The following MOB3B variants were observed in gnomAD, a reference collection of about 807,000 sequenced individuals.
MOB3B encodes the protein MOB kinase activator 3B, also known as MOB kinase activator-like 2B.
Under a neutral mutation model 18.7 loss-of-function variants are expected in MOB3B, and 7 were observed. The ratio of observed to expected loss-of-function variants is 0.37; its 90% CI spans 0.21 to 0.70. The LOEUF (loss-of-function observed/expected upper bound fraction) is 0.70, where lower values mean the gene tolerates loss of function less well. MOB3B is among the 30% of genes least tolerant of loss of function. MOB3B has a pLI of 0.52. For synonymous variants in MOB3B, 111 were observed against 99.9 expected, an observed-to-expected ratio of 1.11 and a Z score of -0.66; for missense variants, 253 against 281.3, an observed-to-expected ratio of 0.90 and a Z score of 0.72.
chr9:27,453,876 T>C (rs1174213739), intron 2 of MOB3B, among the ~76,000 whole-genome samples: 3 of 152,164 alleles, frequency 2.0e-5, no homozygotes, highest in Admixed American at 2.0e-4. Context: ...CCTAAGAAAT[T>C]TCCACCACTC....
At chr9:27,502,069 A>T (rs1272416364) in intron 1 of MOB3B, among the ~76,000 whole-genome samples, 1 of 152,138 alleles carries the variant, frequency 6.6e-6, no homozygotes, top group African/African-American at 2.4e-5. Context: ...TATTTCTTCC[A>T]TATATACACG....
chr9:27,454,447 A>G (rs1338168006), intron 2 of MOB3B, among the ~76,000 whole-genome samples: 1 of 152,224 alleles, frequency 6.6e-6, no homozygotes, highest in Non-Finnish European at 1.5e-5. Context: ...TTCAGTCTGA[A>G]AGTGCATGGA....
intron 2 of MOB3B, among the ~76,000 whole-genome samples, chr9:27,387,725 G>A (rs2131379155): frequency 6.6e-6 from 1 of 152,264 alleles, no homozygotes; most frequent in Admixed American, 6.5e-5. Flanking sequence ...AATGGTTAGA[G>A]TTATAGCATC....
At chr9:27,459,463 C>T (rs1819245411) in intron 1 of MOB3B, among the ~76,000 whole-genome samples, 1 of 152,154 alleles carries the variant, frequency 6.6e-6, no homozygotes, top group Admixed American at 6.5e-5. Context: ...TCTAAGTGTG[C>T]ATTTTAACAA....
At chr9:27,459,011 G>GT (rs1786188266) in intron 1 of MOB3B, among the ~76,000 whole-genome samples, 2 of 150,308 alleles carry the variant, frequency 1.3e-5, no homozygotes, top group African/African-American at 4.9e-5. Flanking sequence ...GATCAGGTAG[G>GT]CCCCCCCCCA....
At chr9:27,388,881 C>T (rs1449778608) in intron 2 of MOB3B, among the ~76,000 whole-genome samples, 1 of 152,102 alleles carries the variant, frequency 6.6e-6, no homozygotes, top group African/African-American at 2.4e-5. Flanking sequence ...CTATCGATGC[C>T]ACTCCTAAAT....
intron 1 of MOB3B, among the ~76,000 whole-genome samples, chr9:27,488,743 A>G (rs1214962303): frequency 6.6e-6 from 1 of 152,186 alleles, no homozygotes; most frequent in Admixed American, 6.5e-5. Context: ...TGGCATACCC[A>G]TCGAGTAGCA....
At chr9:27,404,687 C>G (rs1821940281) in intron 2 of MOB3B, among the ~76,000 whole-genome samples, 1 of 152,112 alleles carries the variant, frequency 6.6e-6, no homozygotes, top group African/African-American at 2.4e-5. Context: ...TATAACTCAT[C>G]TTAGGTTGAC....
At chr9:27,436,140 C>T (rs1374189296) in intron 2 of MOB3B, among the ~76,000 whole-genome samples, 1 of 152,176 alleles carries the variant, frequency 6.6e-6, no homozygotes, top group Admixed American at 6.5e-5. Context: ...CTGGTCTCAC[C>T]TAAAGTATCA....
chr9:27,370,192 T>C (rs996323675), intron 2 of MOB3B, among the ~76,000 whole-genome samples: 1 of 152,062 alleles, frequency 6.6e-6, no homozygotes, highest in African/African-American at 2.4e-5. Flanking sequence ...AGACACCCCA[T>C]GAATGGGATT....
At chr9:27,503,368 T>C (rs779780270) in intron 1 of MOB3B, among the ~76,000 whole-genome samples, 8 of 152,228 alleles carry the variant, frequency 5.3e-5, no homozygotes, top group Non-Finnish European at 1.0e-4. Flanking sequence ...AAGGGCAAGA[T>C]AAGATAAAGT....
chr9:27,522,261 A>G (rs1162265085), intron 1 of MOB3B, among the ~76,000 whole-genome samples: 2 of 144,560 alleles, frequency 1.4e-5, no homozygotes, highest in Non-Finnish European at 3.0e-5. Flanking sequence ...AAAAAAAAAA[A>G]AAAAAGAAAA....
At chr9:27,358,845 T>C in intron 3 of MOB3B, 189 bp downstream of exon 3, 1 of 762,936 alleles carries the variant, frequency 1.3e-6, no homozygotes, top group Non-Finnish European at 2.4e-6. Context: ...TCTCGGACAC[T>C]TATTTGGTGA....
intron 2 of MOB3B, among the ~76,000 whole-genome samples, chr9:27,372,526 C>T (rs1821438041): frequency 6.6e-6 from 1 of 152,162 alleles, no homozygotes; most frequent in African/African-American, 2.4e-5. Context: ...ACCTGGCAAA[C>T]ATGACCTTGA....
intron 2 of MOB3B, among the ~76,000 whole-genome samples, chr9:27,447,524 C>A (rs187341808): frequency 2.6e-5 from 4 of 152,276 alleles, no homozygotes; most frequent in East Asian, 1.9e-4. Context: ...TGAGATACAG[C>A]CCATTAAAAT....
chr9:27,346,705 C>T (rs1346709473), intron 3 of MOB3B, among the ~76,000 whole-genome samples: 1 of 152,046 alleles, frequency 6.6e-6, no homozygotes, highest in East Asian at 1.9e-4. Context: ...TAAAATTATA[C>T]CATTAGAGGC....
intron 2 of MOB3B, among the ~76,000 whole-genome samples, chr9:27,389,804 G>T (rs888275057): frequency 6.6e-6 from 1 of 152,180 alleles, no homozygotes; most frequent in East Asian, 1.9e-4. Context: ...AGTGCAGAAA[G>T]AGAAAATATG....
chr9:27,342,727 C>A (rs531140825), intron 3 of MOB3B, among the ~76,000 whole-genome samples: 1 of 152,138 alleles, frequency 6.6e-6, no homozygotes, highest in Admixed American at 6.5e-5. Flanking sequence ...CTCGGCCTCC[C>A]GAGGTGCCGG....
chr9:27,334,361 G>A (rs923922854), intron 3 of MOB3B, among the ~76,000 whole-genome samples: 1 of 151,964 alleles, frequency 6.6e-6, no homozygotes, highest in Non-Finnish European at 1.5e-5. Context: ...AACAAGACCG[G>A]TTATTTAAAA....
Sources: allele counts gnomAD v4.1 joint callset (sites outside exome capture counted in the v4.1 genomes callset), GRCh38; gene constraint gnomAD v4.1.1; transcripts MANE v1.5; gene names NCBI Gene and HGNC (gene_info 2026-07-23, HGNC 2026-07-21).